TRPC7: variants seen among roughly 807,000 people sequenced by gnomAD.
The protein encoded by TRPC7 is transient receptor potential cation channel subfamily C member 7.
Under a neutral mutation model 90.1 loss-of-function variants are expected in TRPC7, and 42 were observed. The observed-to-expected ratio is 0.47, with a 90% CI of 0.36 to 0.60. The LOEUF (loss-of-function observed/expected upper bound fraction) is 0.60, where lower values mean the gene tolerates loss of function less well. Among genes scored for constraint, TRPC7 ranks in the 20% least tolerant of loss-of-function variants. The pLI is 0.00. For synonymous variants in TRPC7, 451 were observed against 436.3 expected, an observed-to-expected ratio of 1.03 and a Z score of -0.42; for missense variants, 955 against 1,112.3, an observed-to-expected ratio of 0.86 and a Z score of 2.01.
intron 5 of TRPC7, among the ~76,000 whole-genome samples, chr5:136,256,605 C>A (rs139073652): frequency 6.0e-4 from 91 of 151,346 alleles, no homozygotes; most frequent in African/African-American, 1.9e-3. Context: ...TGCAGTTCTG[C>A]AGATCCTCCT....
chr5:136,253,603 C>T (rs1756596821), intron 5 of TRPC7, among the ~76,000 whole-genome samples: 1 of 152,082 alleles, frequency 6.6e-6, no homozygotes, highest in Non-Finnish European at 1.5e-5. Flanking sequence ...GTATCATGAA[C>T]CACTCCCATA....
At chr5:136,300,690 A>G (rs1758348371) in intron 3 of TRPC7, among the ~76,000 whole-genome samples, 1 of 152,228 alleles carries the variant, frequency 6.6e-6, no homozygotes, top group South Asian at 2.1e-4. Flanking sequence ...AAGGACATGG[A>G]GATGATAGCC....
chr5:136,232,898 A>G (rs1755862887), intron 7 of TRPC7, among the ~76,000 whole-genome samples: 1 of 152,174 alleles, frequency 6.6e-6, no homozygotes, highest in Non-Finnish European at 1.5e-5. Flanking sequence ...CAGGTTTTCA[A>G]CACTCACCCA....
chr5:136,292,355 G>A (rs1273721661), intron 3 of TRPC7, among the ~76,000 whole-genome samples: 2 of 151,368 alleles, frequency 1.3e-5, no homozygotes, highest in Non-Finnish European at 2.9e-5. Context: ...GAATCCAGGA[G>A]CTGGTTTTTT....
chr5:136,302,235 G>T (rs1758422102), intron 3 of TRPC7, among the ~76,000 whole-genome samples: 1 of 152,194 alleles, frequency 6.6e-6, no homozygotes, highest in African/African-American at 2.4e-5. Context: ...CCATTTCAAA[G>T]GTGTCAGACC....
chr5:136,228,694 TA>T (rs1561679475), intron 8 of TRPC7, among the ~76,000 whole-genome samples: 2 of 152,030 alleles, frequency 1.3e-5, no homozygotes, highest in East Asian at 3.9e-4. Context: ...AGCAGGGGCT[TA>T]AGATCTACTG....
chr5:136,315,209 T>A (rs531506305), intron 3 of TRPC7, among the ~76,000 whole-genome samples: 3 of 152,220 alleles, frequency 2.0e-5, no homozygotes, highest in Non-Finnish European at 4.4e-5. Context: ...GGAAGCTCAA[T>A]AAATGCTTTT....
At chr5:136,259,678 G>C (rs960797523) in intron 5 of TRPC7, among the ~76,000 whole-genome samples, 1 of 152,190 alleles carries the variant, frequency 6.6e-6, no homozygotes, top group African/African-American at 2.4e-5. Context: ...CAGAATCACT[G>C]CTTATAATGC....
intron 1 of TRPC7, among the ~76,000 whole-genome samples, chr5:136,358,149 T>C (rs754379933): frequency 6.6e-6 from 1 of 152,210 alleles, no homozygotes; most frequent in Non-Finnish European, 1.5e-5. Flanking sequence ...GGAGCAGGAC[T>C]AGAATCCTGT....
intron 3 of TRPC7, among the ~76,000 whole-genome samples, chr5:136,275,632 G>A (rs993174266): frequency 6.6e-6 from 1 of 152,130 alleles, no homozygotes; most frequent in Admixed American, 6.5e-5. Context: ...CTGCCCTAAT[G>A]CTTAGGTTAC....
intron 3 of TRPC7, among the ~76,000 whole-genome samples, chr5:136,301,362 A>ATTTTTT (rs1758380043): frequency 3.6e-5 from 1 of 27,872 alleles, no homozygotes; most frequent in African/African-American, 2.4e-4. Flanking sequence ...TTTTTTTTTA[A>ATTTTTT]CAAATCATAG....
At chr5:136,221,227 T>A (rs551440402) in intron 10 of TRPC7, among the ~76,000 whole-genome samples, 1 of 152,198 alleles carries the variant, frequency 6.6e-6, no homozygotes, top group African/African-American at 2.4e-5. Context: ...CAAGTTACTA[T>A]GTCCCTGGTA....
chr5:136,243,663 C>A (rs1397120858), intron 7 of TRPC7, among the ~76,000 whole-genome samples: 2 of 151,018 alleles, frequency 1.3e-5, no homozygotes, highest in Admixed American at 6.6e-5. Context: ...TTTATTCTCA[C>A]ATGGCTTTTT....
Position 136,286,976 on chromosome 5 carries a change from G to A in TRPC7, c.964-12139C>T, listed in dbSNP as rs552900809. 7.4e-4 allele frequency among the ~76,000 whole-genome samples: 113 copies of A among 152,258 alleles called. 1 individual carries two copies. In the South Asian group the frequency reaches 0.019, roughly 25 times the overall value. ...GCTCTTAAACTCTGCTGAAATTACTGTCTCAAAATCTTGTTAATTTCCTTC... is the reference window on the plus strand; with the variant it reads ...GCTCTTAAACTCTGCTGAAATTACTATCTCAAAATCTTGTTAATTTCCTTC... On this transcript the variant is annotated intron_variant, in intron 3 of 11. Transcript: ENST00000513104.
At chr5:136,344,470 G>T (rs1340734735) in intron 2 of TRPC7, among the ~76,000 whole-genome samples, 1 of 152,174 alleles carries the variant, frequency 6.6e-6, no homozygotes, top group Admixed American at 6.5e-5. Context: ...GTGAAGAAAA[G>T]ATCAAAGTAG....
chr5:136,258,445 G>A (rs1756753536), intron 5 of TRPC7, among the ~76,000 whole-genome samples: 1 of 152,098 alleles, frequency 6.6e-6, no homozygotes. Flanking sequence ...GGAGTGTTTA[G>A]AGCCCAGGGC....
intron 11 of TRPC7, among the ~76,000 whole-genome samples, chr5:136,215,618 C>T (rs1020399014): frequency 3.7e-4 from 56 of 151,864 alleles, no homozygotes; most frequent in Non-Finnish European, 5.9e-4. Context: ...GTCAGGAGTT[C>T]GAGACCAGCC....
intron 3 of TRPC7, among the ~76,000 whole-genome samples, chr5:136,291,178 T>G (rs1398424030): frequency 6.6e-6 from 1 of 152,194 alleles, no homozygotes; most frequent in Non-Finnish European, 1.5e-5. Context: ...TACCAGCCAC[T>G]GCAAAAACAT....
At chr5:136,296,146 G>A (rs1442581355) in intron 3 of TRPC7, among the ~76,000 whole-genome samples, 1 of 152,154 alleles carries the variant, frequency 6.6e-6, no homozygotes, top group Non-Finnish European at 1.5e-5. Context: ...GTGGACAGCT[G>A]GGGGTGGGGC....
Sources: gnomAD v4.1 joint callset for allele counts (sites outside exome capture counted in the v4.1 genomes callset) on GRCh38, gnomAD v4.1.1 for gene constraint, MANE v1.5 for transcripts, NCBI Gene and HGNC (gene_info 2026-07-23, HGNC 2026-07-21) for gene names.